EYS: variants seen among roughly 807,000 people sequenced by gnomAD.
EYS encodes EGF-like photoreceptor maintenance factor, also known as protein eyes shut homolog.
Under a neutral mutation model 282.1 loss-of-function variants are expected in EYS, and 250 were observed. That is an observed-to-expected ratio of 0.89 (90% CI 0.80 to 0.98). The LOEUF (loss-of-function observed/expected upper bound fraction) is 0.98, where lower values mean the gene tolerates loss of function less well. EYS is among the 50% of genes least tolerant of loss of function. The probability of loss-of-function intolerance (pLI) is 0.00; values close to 1 mark genes in which losing one functional copy is unlikely to be tolerated. For synonymous variants in EYS, 1,355 were observed against 1,282.9 expected (o/e 1.06, Z -1.20); for missense variants, 4,016 against 3,709.0 (o/e 1.08, Z -2.15).
At chr6:64,039,532 A>T (rs763050148) in intron 33 of EYS, among the ~76,000 whole-genome samples, 1 of 152,210 alleles carries the variant, frequency 6.6e-6, no homozygotes, top group African/African-American at 2.4e-5. Context: ...CTACTTTTAA[A>T]TAGATCCCTG....
chr6:65,069,522 T>C (rs976242148), intron 12 of EYS, among the ~76,000 whole-genome samples: 4 of 151,926 alleles, frequency 2.6e-5, no homozygotes, highest in South Asian at 2.1e-4. Context: ...TTGTTTATTG[T>C]TGATGTCTCT....
At chr6:65,543,735 T>C (rs1385205025) in intron 2 of EYS, among the ~76,000 whole-genome samples, 1 of 152,142 alleles carries the variant, frequency 6.6e-6, no homozygotes, top group African/African-American at 2.4e-5. Flanking sequence ...GTCATGACTA[T>C]GATATTTTTT....
chr6:65,556,658 A>G (rs1176719821), intron 2 of EYS, among the ~76,000 whole-genome samples: 1 of 152,168 alleles, frequency 6.6e-6, no homozygotes, highest in Admixed American at 6.5e-5. Flanking sequence ...ATTTTCAGAA[A>G]AAAATATTAG....
intron 26 of EYS, among the ~76,000 whole-genome samples, chr6:64,483,288 G>C (rs1160091551): frequency 1.3e-5 from 2 of 151,650 alleles, no homozygotes. Context: ...AGACTTCCCT[G>C]CTGTCTCCCC....
At chr6:65,161,828 T>C (rs1189442590) in intron 12 of EYS, among the ~76,000 whole-genome samples, 1 of 151,220 alleles carries the variant, frequency 6.6e-6, no homozygotes, top group African/African-American at 2.4e-5. Context: ...CAAATCTCAG[T>C]ATCCTTTATT....
chr6:65,107,568 T>C lies in EYS; in HGVS notation c.2024-49841A>G, dbSNP rs544230788. ...TATACTCTAACTTTATAGTATATTA[T>C]AATGTATTATAATATATTAGATTCC... is the stretch of plus-strand genomic sequence containing the variant. On this transcript the variant is annotated intron_variant, in intron 12 of 42. Coordinates refer to ENST00000503581, the MANE Select transcript of EYS (RefSeq NM_001142800.2). Among the ~76,000 whole-genome samples, 3 of 151,938 alleles carry C rather than the reference T, an allele frequency of 2.0e-5. No individual in the cohort carries two copies. In the East Asian group the frequency reaches 5.8e-4, roughly 29 times the overall value.
intron 5 of EYS, among the ~76,000 whole-genome samples, chr6:65,430,435 C>G (rs988143332): frequency 2.0e-5 from 3 of 152,140 alleles, no homozygotes; most frequent in African/African-American, 4.8e-5. Context: ...ATGCCGGTCT[C>G]TGAGTAAACT....
At chr6:64,068,448 C>A (rs562061547) in intron 32 of EYS, among the ~76,000 whole-genome samples, 1 of 133,458 alleles carries the variant, frequency 7.5e-6, no homozygotes, top group African/African-American at 2.8e-5. Context: ...TAGTGTAAAT[C>A]AATTTATGTA....
At chr6:63,745,743 GACT>G (rs1414715479) in intron 41 of EYS, among the ~76,000 whole-genome samples, 2 of 152,150 alleles carry the variant, frequency 1.3e-5, no homozygotes, top group Admixed American at 6.5e-5. Context: ...GTATATTATG[GACT>G]AAATATTTCT....
At chr6:63,923,306 T>A (rs1228960476) in intron 35 of EYS, among the ~76,000 whole-genome samples, 2 of 152,168 alleles carry the variant, frequency 1.3e-5, no homozygotes, top group Non-Finnish European at 2.9e-5. Flanking sequence ...AAATATGCCA[T>A]TTAAAAAATG....
chr6:63,916,211 TCTACCTGCGGAAAGATGACAACACA>T (rs1243583992), intron 35 of EYS, among the ~76,000 whole-genome samples: 1 of 152,224 alleles, frequency 6.6e-6, no homozygotes, highest in Non-Finnish European at 1.5e-5. Flanking sequence ...GACAAGACCC[TCTACCTGCGGAAAGATGACAACACA>T]CTGAAGGCTC....
chr6:64,823,455 G>A (rs773243545), intron 19 of EYS, among the ~76,000 whole-genome samples: 12 of 151,934 alleles, frequency 7.9e-5, no homozygotes, highest in Non-Finnish European at 1.5e-4. Flanking sequence ...GATAACATAA[G>A]CAGAGCTTAA....
At chr6:64,742,518 TGAA>T (rs1428525286) in intron 22 of EYS, among the ~76,000 whole-genome samples, 2 of 152,212 alleles carry the variant, frequency 1.3e-5, no homozygotes, top group Non-Finnish European at 2.9e-5. Context: ...TGTAATATGA[TGAA>T]GTTTGACTGT....
intron 9 of EYS, among the ~76,000 whole-genome samples, chr6:65,348,475 G>A (rs969354938): frequency 1.3e-5 from 2 of 151,656 alleles, no homozygotes; most frequent in Non-Finnish European, 3.0e-5. Flanking sequence ...GACTAATAAT[G>A]TTGAGCACAT....
At chr6:64,794,532 GATGGT>G (rs1446084730) in intron 22 of EYS, among the ~76,000 whole-genome samples, 1 of 152,142 alleles carries the variant, frequency 6.6e-6, no homozygotes, top group African/African-American at 2.4e-5. Context: ...CTTCTGCCAT[GATGGT>G]AAGTTTCCTG....
intron 35 of EYS, among the ~76,000 whole-genome samples, chr6:63,894,294 G>C (rs187748866): frequency 6.8e-4 from 104 of 152,124 alleles, no homozygotes; most frequent in Non-Finnish European, 1.2e-3. Flanking sequence ...GATTAGGGTG[G>C]GTGTTAAATC....
intron 39 of EYS, among the ~76,000 whole-genome samples, chr6:63,786,950 T>C (rs1770380540): frequency 6.6e-6 from 1 of 152,098 alleles, no homozygotes; most frequent in East Asian, 1.9e-4. Flanking sequence ...TACGCCATGA[T>C]TTATAATAAA....
intron 2 of EYS, among the ~76,000 whole-genome samples, chr6:65,533,557 C>T (rs927119890): frequency 2.6e-5 from 4 of 152,068 alleles, no homozygotes; most frequent in African/African-American, 7.2e-5. Flanking sequence ...ACCAATATCC[C>T]TGATGAATAT....
At chr6:65,338,697 A>G (rs1441626528) in intron 10 of EYS, among the ~76,000 whole-genome samples, 2 of 151,154 alleles carry the variant, frequency 1.3e-5, no homozygotes, top group African/African-American at 4.8e-5. Flanking sequence ...GAAGGAATGC[A>G]ATAAAATCAT....
Sources: allele counts gnomAD v4.1 joint callset (sites outside exome capture counted in the v4.1 genomes callset), GRCh38; gene constraint gnomAD v4.1.1; transcripts MANE v1.5; gene names NCBI Gene and HGNC (gene_info 2026-07-23, HGNC 2026-07-21).